The following PTPRF variants were observed in gnomAD, a reference collection of about 807,000 sequenced individuals.
PTPRF encodes the protein protein tyrosine phosphatase receptor type F.
In PTPRF, 59 loss-of-function variants were observed where a neutral mutation model predicts 201.8. That is an observed-to-expected ratio of 0.29 (90% confidence interval 0.24 to 0.36). The LOEUF (loss-of-function observed/expected upper bound fraction) is 0.36, where lower values mean the gene tolerates loss of function less well. PTPRF is among the 10% of genes least tolerant of loss of function. PTPRF has a pLI of 1.00. For synonymous variants in PTPRF, 1,088 were observed against 1,089.7 expected (o/e 1.00, Z 0.03); for missense variants, 2,132 against 2,690.5 (o/e 0.79, Z 4.59).
chr1:43,613,151 G>GT, intron 22 of PTPRF: 3 of 321,488 alleles, frequency 9.3e-6, no homozygotes, highest in South Asian at 2.7e-5. Context: ...TATTGTGTCT[G>GT]TACTTCATGA....
Position 43,588,648 on chromosome 1 carries a change from C to T in PTPRF, c.680-83C>T, listed in dbSNP as rs1489016930. 3.2e-6 allele frequency: 5 copies of T among 1,545,794 alleles called. No individual in the cohort carries two copies. Among genetic ancestry groups the T allele is most frequent in the Non-Finnish European group, 4.4e-6 (5 of 1,143,866 alleles). ...ATGGGTTTGGCTCTGACCAGAGGGG[C>T]TTCCTGAATGAGGGGCCCCTGCCCT... is the stretch of plus-strand genomic sequence containing the variant. On this transcript the variant is annotated intron_variant, in intron 7 of 33. Transcript: ENST00000359947. This position sits in a 1 kb window ranked among gnomAD's most constrained non-coding sequence, Gnocchi z 5.3.
chr1:43,619,232 T>TGGGTG, intron 27 of PTPRF, 30 bp downstream of exon 27: 1 of 438,340 alleles, frequency 2.3e-6, no homozygotes, highest in East Asian at 6.3e-5. Flanking sequence ...CCCAGAGGGG[T>TGGGTG]GGGTGGGGTG....
chr1:43,618,570 T>A, intron 25 of PTPRF, 60 bp from the exon 26 acceptor site: 1 of 1,560,042 alleles, frequency 6.4e-7, no homozygotes, highest in Non-Finnish European at 8.8e-7. Context: ...GCCTCCACCC[T>A]GCTTCTGCCC....
intron 2 of PTPRF, among the ~76,000 whole-genome samples, chr1:43,539,251 G>A (rs1303146233): frequency 6.6e-6 from 1 of 152,184 alleles, no homozygotes; most frequent in Admixed American, 6.5e-5. Context: ...TGATGGGTTA[G>A]ATGTGTGGGA....
chr1:43,611,310 C>T (rs557318953), intron 22 of PTPRF, among the ~76,000 whole-genome samples: 33 of 152,136 alleles, frequency 2.2e-4, no homozygotes, highest in African/African-American at 7.2e-4. Flanking sequence ...GAAGCCTCTT[C>T]GGGGATGGGA....
chr1:43,558,605 G>A (rs1010516384), intron 5 of PTPRF, among the ~76,000 whole-genome samples: 10 of 152,212 alleles, frequency 6.6e-5, no homozygotes, highest in African/African-American at 1.7e-4. Flanking sequence ...AGCCATTAGC[G>A]CGCCAGCCTC....
At chr1:43,527,619 A>G (rs1412998945), upstream of PTPRF, among the ~76,000 whole-genome samples, 2 of 152,238 alleles carry the variant, frequency 1.3e-5, no homozygotes, top group African/African-American at 4.8e-5. Flanking sequence ...TTGGAGCAAG[A>G]GACTGGTTGG....
chr1:43,615,391 C>T (rs1489058877), intron 23 of PTPRF, among the ~76,000 whole-genome samples: 1 of 151,964 alleles, frequency 6.6e-6, no homozygotes, highest in Non-Finnish European at 1.5e-5. Flanking sequence ...CATCTGGGCT[C>T]GTGGGGCCTC....
upstream of PTPRF, among the ~76,000 whole-genome samples, chr1:43,524,314 G>A (rs974058424): frequency 2.6e-5 from 4 of 152,020 alleles, no homozygotes; most frequent in Non-Finnish European, 5.9e-5. Context: ...TCTATAATTC[G>A]TCCATTAAAA....
chr1:43,560,564 T>TG (rs1199114354), intron 5 of PTPRF, among the ~76,000 whole-genome samples: 6 of 152,020 alleles, frequency 3.9e-5, no homozygotes, highest in Non-Finnish European at 5.9e-5. Context: ...TGAAGTGTGG[T>TG]GGGGTCAGTC....
At chr1:43,585,775 T>A (rs994502490) in intron 7 of PTPRF, among the ~76,000 whole-genome samples, 2 of 152,134 alleles carry the variant, frequency 1.3e-5, no homozygotes, top group Non-Finnish European at 2.9e-5. Flanking sequence ...CCAGTCAAGT[T>A]TCTAGGTTGG....
chr1:43,616,394 C>T lies in PTPRF; in HGVS notation c.4072-1051C>T, dbSNP rs148506144. 2.7e-3 allele frequency among the ~76,000 whole-genome samples: 411 copies of T among 151,924 alleles called. 4 individuals are homozygous for T. The highest frequency in any genetic ancestry group is 4.3e-3 in the Non-Finnish European group (294 of 67,970). ...GGCCTTTAAGCAGGAAATTGATATT[C>T]ACATCTGCATTTTGGAAGGATTATT... On this transcript the variant is annotated intron_variant, in intron 23 of 33. Transcript: ENST00000359947.
At chr1:43,532,576 A>G (rs74071938) in intron 1 of PTPRF, 3,270 of 179,354 alleles carry the variant, frequency 0.018, 111 homozygotes, top group African/African-American at 0.072. Flanking sequence ...CATGGGGAGG[A>G]ATCTGCTGAG....
chr1:43,526,735 C>A (rs1485757512), upstream of PTPRF, among the ~76,000 whole-genome samples: 1 of 152,180 alleles, frequency 6.6e-6, no homozygotes, highest in Non-Finnish European at 1.5e-5. Context: ...GGGAGAGGTC[C>A]TCTTGAAAGA....
intron 1 of PTPRF, among the ~76,000 whole-genome samples, chr1:43,533,565 A>G (rs1643822486): frequency 6.6e-6 from 1 of 152,112 alleles, no homozygotes; most frequent in Non-Finnish European, 1.5e-5. Flanking sequence ...TTCCAGCTTC[A>G]GGCCTCAAAG....
In PTPRF at chr1:43,553,442, A is replaced by T. The variant is rs1334525532; in HGVS notation, c.92-50A>T. On this transcript the variant is annotated intron_variant, in intron 3 of 33. Coordinates refer to ENST00000359947, the MANE Select transcript of PTPRF (RefSeq NM_002840.5). This position sits in a 1 kb window ranked among gnomAD's most constrained non-coding sequence, Gnocchi z 4.1. ...ATGACTGCCACCTTCCTCACTGGCC[A>T]TTCCTATAGTGACTGTGCTGTGGTG... 6.4e-7 allele frequency: 1 copy of T among 1,567,008 alleles called. No homozygotes were observed. The highest frequency in any genetic ancestry group is 2.3e-5 in the East Asian group (1 of 44,392).
chr1:43,604,018 C>G lies in PTPRF; in HGVS notation c.2866C>G (p.Arg956Gly). The change falls in exon 16 of 34, where the codon CGA becomes GGA. Residue 956 changes from arginine to glycine, a missense_variant. Arg to Gly is a moderately radical substitution (Grantham distance 125). Around this residue, in one of 6 missense-constraint regions of PTPRF, gnomAD observed 818 missense variants for 915.3 expected, o/e 0.89. Transcript: ENST00000359947. ...CATCATCAGCTACACCGTGGTGTTC[C>G]GAGACATCAACAGCCAACAGGAGCT... ...GRIISYTVVFRDINSQQELQN... is the reference protein window; with the variant it reads ...GRIISYTVVFGDINSQQELQN... The G allele has an allele frequency of 6.2e-7, 1 of 1,614,216 alleles. No homozygotes were observed.
intron 6 of PTPRF, among the ~76,000 whole-genome samples, chr1:43,578,368 G>T (rs1380124134): frequency 6.6e-6 from 1 of 152,152 alleles, no homozygotes; most frequent in East Asian, 1.9e-4. Context: ...GCCTGATGAG[G>T]GCATGGCGTG....
chr1:43,615,029 C>A (rs527795029), intron 23 of PTPRF, among the ~76,000 whole-genome samples: 1 of 152,238 alleles, frequency 6.6e-6, no homozygotes, highest in Non-Finnish European at 1.5e-5. Context: ...GGTGGACAGG[C>A]AATTGAGGGG....
Sources: gnomAD v4.1 joint callset for allele counts (sites outside exome capture counted in the v4.1 genomes callset) on GRCh38, gnomAD v4.1.1 for gene constraint, gnomAD v4.1.1 regional missense constraint, Gnocchi (gnomAD v3.1) non-coding constraint, MANE v1.5 for transcripts, NCBI Gene and HGNC (gene_info 2026-07-23, HGNC 2026-07-21) for gene names.